ENAM: variants seen among roughly 807,000 people sequenced by gnomAD.
The protein encoded by ENAM is amelogenesis imperfecta 2, hypocalcification (autosomal dominant).
ENAM carries 21 observed loss-of-function variants against 33.6 expected under a neutral mutation model. That is an observed-to-expected ratio of 0.63 (90% CI 0.44 to 0.90). The LOEUF (loss-of-function observed/expected upper bound fraction) is 0.90, where lower values mean the gene tolerates loss of function less well. Ranked by LOEUF, ENAM falls within the 40% of genes least tolerant of loss-of-function variation. The pLI, the probability that ENAM is intolerant of heterozygous loss-of-function variation, is 0.00. For synonymous variants in ENAM, 473 were observed against 468.4 expected (o/e 1.01, Z -0.13); for missense variants, 1,388 against 1,366.9 (o/e 1.02, Z -0.24).
At chr4:70,632,826 G>A (rs563404114) in intron 5 of ENAM, 134 bp downstream of exon 5, 2 of 733,866 alleles carry the variant, frequency 2.7e-6, no homozygotes, top group Admixed American at 2.1e-5. Flanking sequence ...AAGTTTCAAG[G>A]TGGAAAAATT....
intron 6 of ENAM, among the ~76,000 whole-genome samples, chr4:70,635,623 A>C (rs1738431251): frequency 6.6e-6 from 1 of 152,220 alleles, no homozygotes; most frequent in African/African-American, 2.4e-5. Flanking sequence ...TGAGTTTAAC[A>C]ATATAAAATG....
At chr4:70,633,864 CT>C (rs1340265538) in intron 5 of ENAM, among the ~76,000 whole-genome samples, 3 of 152,026 alleles carry the variant, frequency 2.0e-5, no homozygotes, top group Admixed American at 6.6e-5. Flanking sequence ...CTCTCTTTTC[CT>C]TTTTTTCTTG....
At chr4:70,639,249 A>C (rs987286715) in intron 8 of ENAM, among the ~76,000 whole-genome samples, 2 of 151,998 alleles carry the variant, frequency 1.3e-5, no homozygotes, top group African/African-American at 4.8e-5. Flanking sequence ...TGAGTAACAT[A>C]AGAAAGGAAG....
chr4:70,643,754 A>G lies in ENAM; in HGVS notation c.2328A>G (p.Arg776=), dbSNP rs1235675927. ...WDHRIQAQGQ[R]ERRPYFNRNI... ...ACAGGATACAAGCCCAAGGGCAGAG[A>G]GAAAGAAGGCCGTATTTTAACAGAA... Residue 776 remains arginine, a synonymous_variant, in exon 9 of 9, where the codon AGA becomes AGG. Transcript: ENST00000396073. The G allele has an allele frequency of 6.2e-7, 1 of 1,614,078 alleles. No individual in the cohort carries two copies. Among genetic ancestry groups the G allele is most frequent in the Non-Finnish European group, 8.5e-7 (1 of 1,180,042 alleles).
rs750904710 is a variant in ENAM, at chr4:70,644,090, T to C, written c.2664T>C (p.Ala888=). The change falls in exon 9 of 9, where the codon GCT becomes GCC. Residue 888 remains alanine, a synonymous_variant. Transcript: ENST00000396073. ...CAGGGCCCAAGGACAATCCACTAGC[T>C]CTACAAGACTACACTCCATCCTATG... is the stretch of plus-strand genomic sequence containing the variant. ...SSTGPKDNPL[A]LQDYTPSYGL... is the part of the protein sequence containing the mutation. The C allele has an allele frequency of 1.2e-6, 2 of 1,613,944 alleles. No homozygotes were observed. The highest frequency in any genetic ancestry group is 4.5e-5 in the East Asian group (2 of 44,856).
At position 70,642,876 on chromosome 4, in the gene ENAM, A is replaced by T. The variant is rs982813007; in HGVS notation, c.1450A>T (p.Asn484Tyr). Residue 484 changes from asparagine (N) to tyrosine (Y), a missense_variant, in exon 9 of 9, where the codon AAT (asparagine) becomes TAT (tyrosine). By Grantham distance (143) the Asn-to-Tyr change is moderately radical. Transcript: ENST00000396073. The stretch of plus-strand genomic sequence containing the variant: ...CTCTGAGGGTTATATGCCAGTCCCA[A>T]ATTTTAATTCTGTTGATCAACATGA... ...PHSEGYMPVP[N>Y]FNSVDQHENS... is the part of the protein sequence containing the mutation. 3.1e-6 allele frequency: 5 copies of T among 1,613,994 alleles called. No homozygotes were observed. Among genetic ancestry groups the T allele is most frequent in the East Asian group, 4.5e-5 (2 of 44,878 alleles).
At chr4:70,637,870 C>T in intron 8 of ENAM, 27 bp downstream of exon 8, 1 of 1,558,382 alleles carries the variant, frequency 6.4e-7, no homozygotes, top group South Asian at 1.1e-5. Flanking sequence ...CTACATTCTC[C>T]ACTAGAAATT....
chr4:70,635,593 A>G (rs1464431978), intron 6 of ENAM, among the ~76,000 whole-genome samples: 3 of 152,152 alleles, frequency 2.0e-5, no homozygotes, highest in Non-Finnish European at 4.4e-5. Context: ...TATATCTTCT[A>G]TGGTTATATG....
intron 2 of ENAM, among the ~76,000 whole-genome samples, chr4:70,631,380 TTC>T (rs930134965): frequency 2.0e-5 from 3 of 151,454 alleles, no homozygotes; most frequent in Non-Finnish European, 3.0e-5. Flanking sequence ...ATCTCTCTCT[TTC>T]TCTCTCTCTC....
At position 70,643,187 on chromosome 4, in the gene ENAM, A is replaced by G; in HGVS notation, c.1761A>G (p.Leu587=). The change falls in exon 9 of 9, where the codon TTA becomes TTG. Residue 587 remains leucine (L), a synonymous_variant. Coordinates refer to ENST00000396073, the MANE Select transcript of ENAM (RefSeq NM_031889.3). ...KEDPGRQEEH[L]PHPSHGSRGS... ...ATCCAGGGAGGCAAGAAGAACATTT[A>G]CCCCATCCTTCCCATGGTTCTAGAG... is the stretch of plus-strand genomic sequence containing the variant. 2.5e-6 allele frequency: 4 copies of G among 1,613,794 alleles called. No individual in the cohort carries two copies. The highest frequency in any genetic ancestry group is 3.4e-6 in the Non-Finnish European group (4 of 1,179,912).
rs768949391 is a variant in ENAM at position 70,644,149 on chromosome 4, C to G, written c.2723C>G (p.Pro908Arg). The change falls in exon 9 of 9, where the codon CCT becomes CGT. Residue 908 changes from proline (P) to arginine (R), a missense_variant. Coordinates refer to ENST00000396073, the MANE Select transcript of ENAM (RefSeq NM_031889.3). ...CCTGGGGAGAACCAAGACACCAGTC[C>G]TCTGTATACAGACGGTAGTCATACC... ...LAPGENQDTS[P>R]LYTDGSHTKQ... The G allele has an allele frequency of 6.2e-7, 1 of 1,614,100 alleles. No individual in the cohort carries two copies.
chr4:70,642,393 C>G lies in ENAM; in HGVS notation c.967C>G (p.Pro323Ala). The G allele has an allele frequency of 6.2e-7, 1 of 1,614,162 alleles. No individual in the cohort carries two copies. Among genetic ancestry groups the G allele is most frequent in the Non-Finnish European group, 8.5e-7 (1 of 1,180,022 alleles). Reference sequence around the variant, plus strand: ...AAATATTCGTGAAAATCATCCATATCCTAATATAAGAAATTTTCCTTCAGG... The same window carrying G: ...AAATATTCGTGAAAATCATCCATATGCTAATATAAGAAATTTTCCTTCAGG... ...QPNIRENHPY[P>A]NIRNFPSGRQ... Residue 323 changes from proline to alanine, a missense_variant, in exon 9 of 9, where the codon CCT becomes GCT. By Grantham distance (27) the Pro-to-Ala change is conservative. Transcript: ENST00000396073.
chr4:70,643,372 T>C lies in ENAM; in HGVS notation c.1946T>C (p.Val649Ala). The C allele has an allele frequency of 2.5e-6, 4 of 1,613,976 alleles. No individual in the cohort carries two copies. The highest frequency in any genetic ancestry group is 3.4e-6 in the Non-Finnish European group (4 of 1,179,966). Reference protein sequence around the residue: ...PINTPDQKEIVPYNEEDPVDP... With the variant: ...PINTPDQKEIAPYNEEDPVDP... ...AATACCCCAGACCAGAAGGAGATAG[T>C]CCCTTATAATGAAGAGGACCCAGTT... Residue 649 changes from valine to alanine, a missense_variant, in exon 9 of 9, where the codon GTC becomes GCC. Physicochemically the swap from Val to Ala is moderately conservative, Grantham distance 64 (BLOSUM62 0). Transcript: ENST00000396073.
chr4:70,634,673 A>G (rs1738407782), intron 6 of ENAM, 105 bp downstream of exon 6: 6 of 1,137,566 alleles, frequency 5.3e-6, no homozygotes, highest in Non-Finnish European at 8.0e-6. Context: ...CTCTGTTGCA[A>G]TACCAATGTT....
chr4:70,642,660 C>A lies in ENAM; in HGVS notation c.1234C>A (p.Pro412Thr). 1.9e-6 allele frequency: 3 copies of A among 1,612,934 alleles called. No homozygotes were observed. Among genetic ancestry groups the A allele is most frequent in the Non-Finnish European group, 2.5e-6 (3 of 1,179,638 alleles). Residue 412 changes from proline (P) to threonine (T), a missense_variant, in exon 9 of 9, where the codon CCT (proline) becomes ACT (threonine). Pro to Thr is a conservative substitution (Grantham distance 38). Coordinates refer to ENST00000396073, the MANE Select transcript of ENAM (RefSeq NM_031889.3). ...AAAGCCTCAGGGGCCAAATAAACAC[C>A]CTGTAGGAACTACTGTTGCCCCACT... is the stretch of plus-strand genomic sequence containing the variant. ...RRKPQGPNKH[P>T]VGTTVAPLGP...
In ENAM at chr4:70,643,498, A is replaced by G. The variant is rs1738665531; in HGVS notation, c.2072A>G (p.Tyr691Cys). The change falls in exon 9 of 9, where the codon TAT (tyrosine) becomes TGT (cysteine). Residue 691 changes from tyrosine (Y) to cysteine (C), a missense_variant. Physicochemically the swap from Tyr to Cys is radical, Grantham distance 194. Transcript: ENST00000396073. Reference protein sequence around the residue: ...PTVRHYEGEQYTSNQPKEYLP... With the variant: ...PTVRHYEGEQCTSNQPKEYLP... ...GTTAGGCACTATGAAGGTGAACAAT[A>G]TACCTCAAATCAGCCAAAGGAATAT... 2 of 1,614,078 alleles carry G rather than the reference A, an allele frequency of 1.2e-6. No individual in the cohort carries two copies. Among genetic ancestry groups the G allele is most frequent in the African/African-American group, 2.7e-5 (2 of 74,948 alleles).
intron 5 of ENAM, among the ~76,000 whole-genome samples, chr4:70,633,579 T>C (rs768616261): frequency 5.3e-5 from 8 of 152,170 alleles, no homozygotes; most frequent in Non-Finnish European, 1.0e-4. Context: ...AGACTGGGTA[T>C]AGAGACAGGT....
In ENAM at chr4:70,631,836, C is replaced by G. The variant is rs1738331483; in HGVS notation, c.124-13C>G. On this transcript the variant is annotated splice_polypyrimidine_tract_variant and intron_variant, in intron 3 of 8. Transcript: ENST00000396073. ...ATGTTCTGCATTTGTCACTGACATT[C>G]TCTTACTTCCAGATGCACATGCCCC... 2 of 1,613,862 alleles carry G rather than the reference C, an allele frequency of 1.2e-6. No homozygotes were observed. The highest frequency in any genetic ancestry group is 8.5e-7 in the Non-Finnish European group (1 of 1,179,764).
rs780824824 is a variant in ENAM at position 70,632,673 on chromosome 4, A to G, written c.191A>G (p.Asn64Ser). The G allele has an allele frequency of 4.1e-5, 65 of 1,604,382 alleles. No individual in the cohort carries two copies. The highest frequency in any genetic ancestry group is 5.5e-5 in the Non-Finnish European group (64 of 1,171,478). The change falls in exon 5 of 9, where the codon AAC (asparagine) becomes AGC (serine). Residue 64 changes from asparagine (N) to serine (S), a missense_variant. Physicochemically the swap from Asn to Ser is conservative, Grantham distance 46. Coordinates refer to ENST00000396073, the MANE Select transcript of ENAM (RefSeq NM_031889.3). The part of the protein sequence containing the change: ...SEEMMRYNQF[N>S]FMNGPHMAHL... Reference sequence around the variant, plus strand: ...CAGATGATGCGGTATAATCAATTCAACTTTATGAACGGCCCACATGTAAGT... The same window carrying G: ...CAGATGATGCGGTATAATCAATTCAGCTTTATGAACGGCCCACATGTAAGT...
Sources: gnomAD v4.1 joint callset for allele counts (sites outside exome capture counted in the v4.1 genomes callset) on GRCh38, gnomAD v4.1.1 for gene constraint, MANE v1.5 for transcripts, NCBI Gene and HGNC (gene_info 2026-07-23, HGNC 2026-07-21) for gene names.